FRY: variants seen among roughly 807,000 people sequenced by gnomAD.
The protein encoded by FRY is FRY microtubule binding protein.
A neutral mutation model predicts 348.4 loss-of-function variants in FRY; 128 were observed. The ratio of observed to expected loss-of-function variants is 0.37; its 90% CI spans 0.32 to 0.43. The LOEUF (loss-of-function observed/expected upper bound fraction) is 0.43, where lower values mean the gene tolerates loss of function less well. Among genes scored for constraint, FRY ranks in the 20% least tolerant of loss-of-function variants. The probability of loss-of-function intolerance (pLI) is 1.00; values close to 1 mark genes in which losing one functional copy is unlikely to be tolerated. For synonymous variants in FRY, 1,370 were observed against 1,374.7 expected (o/e 1.00, Z 0.08); for missense variants, 2,736 against 3,695.2 (o/e 0.74, Z 6.73).
intron 1 of FRY, among the ~76,000 whole-genome samples, chr13:32,069,718 AT>A (rs966234953): frequency 7.9e-5 from 12 of 152,020 alleles, no homozygotes; most frequent in East Asian, 1.9e-4. Flanking sequence ...GATTCCACTA[AT>A]TTTTTTTATT....
intron 31 of FRY, among the ~76,000 whole-genome samples, chr13:32,202,851 A>G (rs569341854): frequency 6.6e-6 from 1 of 151,828 alleles, no homozygotes; most frequent in East Asian, 1.9e-4. Flanking sequence ...TTAGGAGGCT[A>G]GGCAGGAGAA....
intron 46 of FRY, among the ~76,000 whole-genome samples, chr13:32,242,556 CAG>C (rs1886572259): frequency 6.7e-6 from 1 of 150,200 alleles, no homozygotes. Flanking sequence ...TGTTTTGAGA[CAG>C]AGTCTTGCTC....
At chr13:32,291,991 A>G (rs940565796) in intron 59 of FRY, 3 of 451,164 alleles carry the variant, frequency 6.6e-6, no homozygotes, top group South Asian at 1.6e-5. Flanking sequence ...TTGTTTGTTT[A>G]TTTGTTTTTG....
intron 2 of FRY, among the ~76,000 whole-genome samples, chr13:32,087,079 G>T (rs1257936524): frequency 6.6e-6 from 1 of 152,174 alleles, no homozygotes; most frequent in East Asian, 1.9e-4. Flanking sequence ...TAGCTGGTTT[G>T]CTAACATGAA....
chr13:32,128,095 T>C (rs572459262), intron 7 of FRY, among the ~76,000 whole-genome samples: 4 of 152,322 alleles, frequency 2.6e-5, no homozygotes, highest in African/African-American at 4.8e-5. Context: ...TTTGGGGTTA[T>C]TGCATTTTTA....
intron 40 of FRY, among the ~76,000 whole-genome samples, chr13:32,230,129 G>A (rs1219729449): frequency 6.6e-6 from 1 of 152,188 alleles, no homozygotes; most frequent in Non-Finnish European, 1.5e-5. Flanking sequence ...AGGTAAACGT[G>A]TGTCAAGGGG....
intron 58 of FRY, among the ~76,000 whole-genome samples, chr13:32,280,576 T>C (rs973060977): frequency 2.0e-5 from 3 of 152,238 alleles, no homozygotes; most frequent in Admixed American, 6.5e-5. Context: ...AGAACAGTTA[T>C]ATCAGGTTAG....
intron 38 of FRY, 118 bp downstream of exon 38, chr13:32,225,154 TC>T: frequency 1.4e-6 from 1 of 722,544 alleles, no homozygotes. Flanking sequence ...ATATTCTATC[TC>T]CACCATTTTT....
At position 32,295,675 on chromosome 13, in the gene FRY, C is replaced by G. The variant is rs2072049705; in HGVS notation, c.*215C>G. On this transcript the variant is annotated 3_prime_UTR_variant, in exon 61 of 61. Transcript: ENST00000542859. ...TAGAACGTCCTGGACAGACTCCACTCATCATGCTGTGTGGCACAAATGTGT... is the reference window on the plus strand; with the variant it reads ...TAGAACGTCCTGGACAGACTCCACTGATCATGCTGTGTGGCACAAATGTGT... 2 of 596,030 alleles carry G rather than the reference C, an allele frequency of 3.4e-6. No homozygotes were observed. The highest frequency in any genetic ancestry group is 6.0e-6 in the Non-Finnish European group (2 of 333,946). The allele number at this position is 596,030 out of a possible 1,614,324, so 36.9% of individuals were successfully genotyped here. A position where few individuals can be genotyped will look rare whatever the true frequency, so the allele number is the denominator to read the frequency against.
At chr13:32,151,065 C>A (rs1880759413) in intron 14 of FRY, among the ~76,000 whole-genome samples, 1 of 152,196 alleles carries the variant, frequency 6.6e-6, no homozygotes, top group East Asian at 1.9e-4. Context: ...GAAGAGCCTT[C>A]TCTTGCTGGG....
At chr13:32,294,283 C>T in intron 59 of FRY, 85 bp from the exon 60 acceptor site, 1 of 892,002 alleles carries the variant, frequency 1.1e-6, no homozygotes, top group South Asian at 1.4e-5. Context: ...TTAACCACAC[C>T]CATAAGATCC....
rs1875285328 is a variant in FRY, at chr13:32,078,874, A to C, written c.111A>C (p.Pro37=). ...VGNGYIKPPV[P]PASGTHREKG... ...ACGGTTACATCAAGCCTCCGGTTCC[A>C]CCTGCTTCTGGCACGCACAGGGAGA... is the stretch of plus-strand genomic sequence containing the variant. Residue 37 remains proline (P), a synonymous_variant, in exon 2 of 61, where the codon CCA becomes CCC. Transcript: ENST00000542859. 6.2e-7 allele frequency: 1 copy of C among 1,613,954 alleles called. No homozygotes were observed. The highest frequency in any genetic ancestry group is 1.3e-5 in the African/African-American group (1 of 74,880).
chr13:32,226,104 C>T (rs2138415414), intron 39 of FRY, 130 bp downstream of exon 39: 1 of 744,862 alleles, frequency 1.3e-6, no homozygotes, highest in Admixed American at 2.0e-5. Flanking sequence ...GGTAAATCAA[C>T]AGTACAATAA....
chr13:32,035,058 T>C (rs978309932), intron 1 of FRY, among the ~76,000 whole-genome samples: 5 of 152,202 alleles, frequency 3.3e-5, no homozygotes, highest in African/African-American at 1.2e-4. Flanking sequence ...GGTATTAAGA[T>C]GTAAAGCACT....
chr13:32,141,730 T>A (rs1880086715), intron 11 of FRY, among the ~76,000 whole-genome samples: 1 of 152,222 alleles, frequency 6.6e-6, no homozygotes, highest in Non-Finnish European at 1.5e-5. Context: ...GTGAATTCAC[T>A]TGTCCCCACT....
intron 2 of FRY, among the ~76,000 whole-genome samples, chr13:32,095,085 A>G (rs1011284577): frequency 2.6e-5 from 4 of 152,046 alleles, no homozygotes; most frequent in African/African-American, 9.7e-5. Flanking sequence ...TTTGACTTGC[A>G]TTTCTCTGAT....
intron 2 of FRY, among the ~76,000 whole-genome samples, chr13:32,091,254 A>G (rs1876288186): frequency 6.6e-6 from 1 of 152,180 alleles, no homozygotes; most frequent in Non-Finnish European, 1.5e-5. Context: ...CAGGTTATCA[A>G]GGGGGCTAAG....
chr13:32,083,743 A>C (rs1875656044), intron 2 of FRY, among the ~76,000 whole-genome samples: 1 of 152,112 alleles, frequency 6.6e-6, no homozygotes, highest in Non-Finnish European at 1.5e-5. Context: ...GTTATTTTAC[A>C]TAGAACTCAA....
At chr13:32,234,230 T>C (rs1886090090) in intron 41 of FRY, among the ~76,000 whole-genome samples, 1 of 151,486 alleles carries the variant, frequency 6.6e-6, no homozygotes, top group Admixed American at 6.6e-5. Context: ...AAGACCAGCC[T>C]TGGCAACATA....
Sources: gnomAD v4.1 joint callset for allele counts (sites outside exome capture counted in the v4.1 genomes callset) on GRCh38, gnomAD v4.1.1 for gene constraint, MANE v1.5 for transcripts, NCBI Gene and HGNC (gene_info 2026-07-23, HGNC 2026-07-21) for gene names.